The following ARL15 variants were observed in gnomAD, a reference collection of about 807,000 sequenced individuals.
ARL15 encodes the protein ARF like GTPase 15, also known as ADP-ribosylation factor-like protein 15.
A neutral mutation model predicts 25.2 loss-of-function variants in ARL15; 19 were observed. The ratio of observed to expected loss-of-function variants is 0.75; its 90% CI spans 0.53 to 1.10. ARL15 has a LOEUF of 1.10. ARL15 is among the 50% of genes least tolerant of loss of function. The pLI is 0.00. For missense variants in ARL15, 220 were observed against 246.0 expected, an observed-to-expected ratio of 0.89 and a Z score of 0.71; for synonymous variants, 94 against 86.8, an observed-to-expected ratio of 1.08 and a Z score of -0.46.
chr5:54,230,623 G>A lies in ARL15; in HGVS notation c.49-58695C>T, dbSNP rs369070834. On this transcript the variant is annotated intron_variant, in intron 1 of 4. Coordinates refer to ENST00000504924, the MANE Select transcript of ARL15 (RefSeq NM_019087.3). ...ATCACTTTCCCAGCCAGCTGGACTT[G>A]GAAAAGGTGTCATCTGGACCCTCTC... Among the ~76,000 whole-genome samples the A allele has an allele frequency of 3.9e-5, 6 of 152,210 alleles. No homozygotes were observed. In the East Asian group the frequency reaches 1.2e-3, roughly 30 times the overall value.
In ARL15 at chr5:53,884,357, TCCC is replaced by T. The variant is rs1580047118; in HGVS notation, c.*2201_*2203del. On this transcript the variant is annotated 3_prime_UTR_variant, in exon 5 of 5. Transcript: ENST00000504924. ...GGACTTACACTCCCACCCCCAGCCA[TCCC>T]ACCCACCCCACCACCCACCCACCCA... The T allele has an allele frequency of 3.7e-5, 1 of 26,780 alleles. No homozygotes were observed. The highest frequency in any genetic ancestry group is 9.0e-4 in the East Asian group (1 of 1,106). 1.7% of individuals were successfully genotyped at this position (26,780 alleles called of 1,614,324 possible).
intron 3 of ARL15, among the ~76,000 whole-genome samples, chr5:54,121,392 G>A (rs34912043): frequency 0.01 from 1,587 of 151,830 alleles, 22 homozygotes; most frequent in Middle Eastern, 0.041. Flanking sequence ...GATGACAGAA[G>A]GCCACCCAGC....
At chr5:54,263,110 T>C (rs757179717) in intron 1 of ARL15, among the ~76,000 whole-genome samples, 20 of 151,954 alleles carry the variant, frequency 1.3e-4, no homozygotes, top group Non-Finnish European at 2.2e-4. Context: ...TATTTTAGAG[T>C]TTTTTTCTTT....
chr5:53,890,793 A>C (rs914063127), intron 4 of ARL15, among the ~76,000 whole-genome samples: 1 of 152,198 alleles, frequency 6.6e-6, no homozygotes, highest in South Asian at 2.1e-4. Flanking sequence ...GTAAAGTCCC[A>C]ATATAACAGA....
intron 4 of ARL15, among the ~76,000 whole-genome samples, chr5:54,087,833 G>A (rs1370039312): frequency 1.7e-5 from 1 of 60,530 alleles, no homozygotes; most frequent in African/African-American, 4.5e-5. Flanking sequence ...ATGACACCAT[G>A]CCCGACTAAT....
intron 4 of ARL15, among the ~76,000 whole-genome samples, chr5:53,918,996 T>C (rs1745756843): frequency 6.6e-6 from 1 of 152,192 alleles, no homozygotes. Flanking sequence ...GTTTTGTCTT[T>C]CATTGGGAAG....
intron 1 of ARL15, among the ~76,000 whole-genome samples, chr5:54,263,550 C>G (rs1757550393): frequency 6.6e-6 from 1 of 152,038 alleles, no homozygotes; most frequent in South Asian, 2.1e-4. Context: ...TGTCTATAAC[C>G]CTATGGTTCC....
chr5:54,240,921 G>A (rs545438993), intron 1 of ARL15, among the ~76,000 whole-genome samples: 1 of 152,044 alleles, frequency 6.6e-6, no homozygotes, highest in Non-Finnish European at 1.5e-5. Context: ...AAATCCAAAA[G>A]CCAAAACACT....
chr5:54,062,133 G>A (rs1171356501), intron 4 of ARL15, among the ~76,000 whole-genome samples: 1 of 152,172 alleles, frequency 6.6e-6, no homozygotes, highest in Non-Finnish European at 1.5e-5. Context: ...CATTTGGAAT[G>A]GTTGTATTTA....
intron 3 of ARL15, among the ~76,000 whole-genome samples, chr5:54,151,273 T>C (rs277321): frequency 0.21 from 31,759 of 152,076 alleles, 4,042 homozygotes; most frequent in East Asian, 0.68. Context: ...AATAGCAAAA[T>C]AGAAATGGCC....
In ARL15 at chr5:53,918,376, TG is replaced by T. The variant is rs530682576; in HGVS notation, c.463-31664del. Among the ~76,000 whole-genome samples the T allele has an allele frequency of 1.8e-3, 266 of 151,458 alleles. 1 individual carries two copies. The highest frequency in any genetic ancestry group is 5.9e-3 in the African/African-American group (242 of 41,288). On this transcript the variant is annotated intron_variant, in intron 4 of 4. Coordinates refer to ENST00000504924, the MANE Select transcript of ARL15 (RefSeq NM_019087.3). Reference sequence around the variant, plus strand: ...AATTTTTTTTTATTTTTAGTAGAGATGGGGGGGGATCTCACTATGTTGCCCA... The same window carrying T: ...AATTTTTTTTTATTTTTAGTAGAGATGGGGGGGATCTCACTATGTTGCCCA...
intron 4 of ARL15, among the ~76,000 whole-genome samples, chr5:53,954,664 C>T (rs933404468): frequency 2.0e-5 from 3 of 152,106 alleles, no homozygotes; most frequent in African/African-American, 7.2e-5. Context: ...CAGTGTTAGG[C>T]CTCTAGATCA....
At chr5:54,114,893 A>G (rs1752855264) in intron 3 of ARL15, among the ~76,000 whole-genome samples, 1 of 152,232 alleles carries the variant, frequency 6.6e-6, no homozygotes, top group African/African-American at 2.4e-5. Flanking sequence ...CATATGATCA[A>G]GTCCTAACCA....
Position 54,042,168 on chromosome 5 carries a change from G to A in ARL15, c.462+71034C>T, listed in dbSNP as rs375128463. Among the ~76,000 whole-genome samples the A allele has an allele frequency of 3.3e-5, 5 of 151,882 alleles. No individual in the cohort carries two copies. In the South Asian group the frequency reaches 6.2e-4, roughly 19 times the overall value. On this transcript the variant is annotated intron_variant, in intron 4 of 4. Coordinates refer to ENST00000504924, the MANE Select transcript of ARL15 (RefSeq NM_019087.3). ...GTGTTTTTAGCAGAGATGGAGTTTC[G>A]CCATGTTGGCCAGGCTGGTCTTGAA...
chr5:54,037,273 G>T (rs1292287548), intron 4 of ARL15, among the ~76,000 whole-genome samples: 1 of 151,864 alleles, frequency 6.6e-6, no homozygotes, highest in African/African-American at 2.4e-5. Flanking sequence ...ACATTTTAAA[G>T]AATATATTTA....
chr5:54,274,170 G>A (rs1337309470), intron 1 of ARL15, among the ~76,000 whole-genome samples: 1 of 152,108 alleles, frequency 6.6e-6, no homozygotes, highest in Non-Finnish European at 1.5e-5. Context: ...CTGAGAAAAA[G>A]GAGCCCAGGG....
chr5:53,938,763 G>T (rs529424821), intron 4 of ARL15, among the ~76,000 whole-genome samples: 1 of 152,322 alleles, frequency 6.6e-6, no homozygotes, highest in South Asian at 2.1e-4. Flanking sequence ...AGAATCGCTT[G>T]AACCTGGGAG....
At chr5:54,109,475 A>T (rs961766018) in intron 4 of ARL15, among the ~76,000 whole-genome samples, 1 of 152,026 alleles carries the variant, frequency 6.6e-6, no homozygotes, top group African/African-American at 2.4e-5. Flanking sequence ...ATAAGATTTT[A>T]AAAACCAGGA....
chr5:54,007,071 A>T (rs1026685448), intron 4 of ARL15, among the ~76,000 whole-genome samples: 3 of 152,112 alleles, frequency 2.0e-5, no homozygotes, highest in Non-Finnish European at 2.9e-5. Flanking sequence ...GTGAAACAAA[A>T]TTTTTACTCT....
Sources: gnomAD v4.1 joint callset for allele counts (sites outside exome capture counted in the v4.1 genomes callset) on GRCh38, gnomAD v4.1.1 for gene constraint, MANE v1.5 for transcripts, NCBI Gene and HGNC (gene_info 2026-07-23, HGNC 2026-07-21) for gene names.